FOXK2: variants seen among roughly 807,000 people sequenced by gnomAD.
The protein encoded by FOXK2 is forkhead box K2, also known as forkhead box protein K2.
FOXK2 carries 24 observed loss-of-function variants against 53.3 expected under a neutral mutation model. The observed-to-expected ratio is 0.45, with a 90% CI of 0.33 to 0.63. The LOEUF is 0.63. Ranked by LOEUF, FOXK2 falls within the 30% of genes least tolerant of loss-of-function variation. The pLI is 0.03. For missense variants in FOXK2, 952 were observed against 910.5 expected, an observed-to-expected ratio of 1.05 and a Z score of -0.59; for synonymous variants, 505 against 407.1, an observed-to-expected ratio of 1.24 and a Z score of -2.89.
chr17:82,597,143 G>A (rs1027097047), intron 8 of FOXK2, among the ~76,000 whole-genome samples: 2 of 152,212 alleles, frequency 1.3e-5, no homozygotes, highest in African/African-American at 4.8e-5. Flanking sequence ...ACGTGGGCCC[G>A]AGGTGCTCAT....
intron 1 of FOXK2, among the ~76,000 whole-genome samples, chr17:82,532,773 G>C (rs1009026866): frequency 6.6e-6 from 1 of 151,656 alleles, no homozygotes; most frequent in Non-Finnish European, 1.5e-5. Context: ...TTGCCGTGTT[G>C]ACCAGGCTGG....
intron 8 of FOXK2, chr17:82,595,848 G>A (rs2045304383): frequency 1.6e-6 from 2 of 1,289,532 alleles, no homozygotes; most frequent in Non-Finnish European, 2.0e-6. Context: ...TGACACAGCA[G>A]GCCCCATCCA....
chr17:82,536,274 G>A (rs538351716), intron 1 of FOXK2, among the ~76,000 whole-genome samples: 1 of 152,292 alleles, frequency 6.6e-6, no homozygotes, highest in East Asian at 1.9e-4. Flanking sequence ...AATAGTTTCT[G>A]TCAGTTTTTA....
intron 8 of FOXK2, chr17:82,587,484 G>C (rs1471378315): frequency 3.4e-6 from 2 of 588,690 alleles, no homozygotes; most frequent in Non-Finnish European, 6.1e-6. Context: ...CCTGAAAAGA[G>C]ATGAGAGTTT....
rs111737471 is a variant in FOXK2, at chr17:82,537,261, A to C, written c.419+16954A>C. Among the ~76,000 whole-genome samples, 933 of 152,312 alleles carry C rather than the reference A, an allele frequency of 6.1e-3. 5 individuals carry two copies. The highest frequency in any genetic ancestry group is 9.7e-3 in the Non-Finnish European group (659 of 68,034). ...GGTATGATGCTTATAGTCTTTCTTAAATGATTAAAGTTTAACATATTATTA... is the reference window on the plus strand; with the variant it reads ...GGTATGATGCTTATAGTCTTTCTTACATGATTAAAGTTTAACATATTATTA... On this transcript the variant is annotated intron_variant, in intron 1 of 8. Transcript: ENST00000335255.
rs772733435 is a variant in FOXK2, at chr17:82,563,372, G to A, written c.438G>A (p.Pro146=). 13 of 1,613,476 alleles carry A rather than the reference G, an allele frequency of 8.1e-6. No individual in the cohort carries two copies. In the East Asian group the frequency reaches 2.7e-4, roughly 33 times the overall value. Reference sequence around the variant, plus strand: ...TTTCCAGGTGCACATTCAGGTTCCCGAGCACAAACATCAAGATAACGTTCA... The same window carrying A: ...TTTCCAGGTGCACATTCAGGTTCCCAAGCACAAACATCAAGATAACGTTCA... ...QLPRVCTFRF[P]STNIKITFTA... Residue 146 remains proline, a synonymous_variant, in exon 2 of 9, where the codon CCG becomes CCA. Transcript: ENST00000335255.
chr17:82,586,803 A>T (rs1054386512), intron 7 of FOXK2, among the ~76,000 whole-genome samples: 10 of 152,102 alleles, frequency 6.6e-5, no homozygotes, highest in Non-Finnish European at 8.8e-5. Flanking sequence ...CGGGAGGCTG[A>T]GGCGGGAGAA....
At chr17:82,538,616 G>A (rs1393489089) in intron 1 of FOXK2, among the ~76,000 whole-genome samples, 1 of 152,234 alleles carries the variant, frequency 6.6e-6, no homozygotes, top group Non-Finnish European at 1.5e-5. Flanking sequence ...GCCGCATGGG[G>A]TTTTTCTGTG....
At chr17:82,598,687 C>T (rs2045345152) in intron 8 of FOXK2, among the ~76,000 whole-genome samples, 1 of 152,254 alleles carries the variant, frequency 6.6e-6, no homozygotes, top group African/African-American at 2.4e-5. Context: ...GCAAAGCCTT[C>T]ATGGTCAAGT....
intron 8 of FOXK2, among the ~76,000 whole-genome samples, chr17:82,598,458 G>A (rs188444028): frequency 1.3e-5 from 2 of 152,282 alleles, no homozygotes; most frequent in Non-Finnish European, 2.9e-5. Flanking sequence ...GTTGGGTTGG[G>A]TGAGTCAGCC....
intron 8 of FOXK2, among the ~76,000 whole-genome samples, chr17:82,594,588 T>C (rs994242597): frequency 7.3e-5 from 11 of 151,190 alleles, no homozygotes; most frequent in African/African-American, 2.7e-4. Flanking sequence ...AGGCCAAAAA[T>C]GTGAATGCAT....
intron 8 of FOXK2, among the ~76,000 whole-genome samples, chr17:82,589,727 T>A (rs1276930349): frequency 2.0e-5 from 3 of 152,200 alleles, no homozygotes; most frequent in African/African-American, 4.8e-5. Context: ...ACTGAGGGCC[T>A]GTTTCCAGAT....
In FOXK2 at chr17:82,520,971, G is replaced by T. The variant is rs117665670; in HGVS notation, c.419+664G>T. On this transcript the variant is annotated intron_variant, in intron 1 of 8. Coordinates refer to ENST00000335255, the MANE Select transcript of FOXK2 (RefSeq NM_004514.4). ...GACAGTTGATTAGGAATTATTACAA[G>T]GTCATGTAGAGTGTTAAGTCAGCCT... Among the ~76,000 whole-genome samples, 581 of 152,244 alleles carry T rather than the reference G, an allele frequency of 3.8e-3. 3 individuals carry two copies. Among genetic ancestry groups the T allele is most frequent in the Non-Finnish European group, 5.7e-3 (386 of 68,012 alleles).
intron 1 of FOXK2, among the ~76,000 whole-genome samples, chr17:82,552,784 A>T (rs1218124446): frequency 5.3e-5 from 8 of 152,132 alleles, no homozygotes; most frequent in African/African-American, 1.9e-4. Flanking sequence ...GTTGAAGAGC[A>T]GCATCCCAAA....
At chr17:82,569,657 A>G (rs1056978543) in intron 3 of FOXK2, among the ~76,000 whole-genome samples, 5 of 152,218 alleles carry the variant, frequency 3.3e-5, no homozygotes, top group Non-Finnish European at 4.4e-5. Flanking sequence ...ATAGAAAAAA[A>G]TCACAGGGAA....
At chr17:82,590,811 T>C (rs1441491136) in intron 8 of FOXK2, among the ~76,000 whole-genome samples, 2 of 152,210 alleles carry the variant, frequency 1.3e-5, no homozygotes, top group Non-Finnish European at 2.9e-5. Flanking sequence ...TGGCCGAGTT[T>C]TCTGACCCAA....
At position 82,571,340 on chromosome 17, in the gene FOXK2, C is replaced by T. The variant is rs1474342270; in HGVS notation, c.763-384C>T. ...ATCAGGCTGGGCGCAGTGGCTCACA[C>T]CCGTAATCCCAGCACGTTGGGAGGC... is the stretch of plus-strand genomic sequence containing the variant. On this transcript the variant is annotated intron_variant, in intron 3 of 8. Transcript: ENST00000335255. 3.9e-5 allele frequency among the ~76,000 whole-genome samples: 6 copies of T among 152,250 alleles called. No homozygotes were observed. The East Asian group carries it at 1.2e-3, about 29-fold the overall frequency.
intron 1 of FOXK2, among the ~76,000 whole-genome samples, chr17:82,537,772 AT>A (rs1464996427): frequency 6.6e-6 from 1 of 151,920 alleles, no homozygotes; most frequent in Non-Finnish European, 1.5e-5. Context: ...AAATAAAAAA[AT>A]TAGCCGGGCG....
chr17:82,558,904 G>A (rs2044761246), intron 1 of FOXK2, among the ~76,000 whole-genome samples: 1 of 152,036 alleles, frequency 6.6e-6, no homozygotes, highest in Admixed American at 6.5e-5. Context: ...CTGCCACCAC[G>A]CCTGGCTAGT....
Sources: allele counts gnomAD v4.1 joint callset (sites outside exome capture counted in the v4.1 genomes callset), GRCh38; gene constraint gnomAD v4.1.1; transcripts MANE v1.5; gene names NCBI Gene and HGNC (gene_info 2026-07-23, HGNC 2026-07-21).